SLC9C1: variants seen among roughly 807,000 people sequenced by gnomAD.
The protein encoded by SLC9C1 is solute carrier family 9 member C1, also known as sodium/hydrogen exchanger 10.
In SLC9C1, 97 loss-of-function variants were observed where a neutral mutation model predicts 140.9. The ratio of observed to expected loss-of-function variants is 0.69; its 90% CI spans 0.58 to 0.82. The LOEUF (loss-of-function observed/expected upper bound fraction) is 0.82, where lower values mean the gene tolerates loss of function less well. Ranked by LOEUF, SLC9C1 falls within the 40% of genes least tolerant of loss-of-function variation. SLC9C1 has a pLI of 0.00. For missense variants in SLC9C1, 1,340 were observed against 1,389.3 expected, an observed-to-expected ratio of 0.96 and a Z score of 0.56; for synonymous variants, 440 against 442.6, an observed-to-expected ratio of 0.99 and a Z score of 0.07.
At chr3:112,197,393 G>T (rs1425540162) in intron 20 of SLC9C1, among the ~76,000 whole-genome samples, 1 of 152,062 alleles carries the variant, frequency 6.6e-6, no homozygotes, top group Non-Finnish European at 1.5e-5. Context: ...TAGAAACAGC[G>T]ATCAATCAGT....
chr3:112,278,756 C>G lies in SLC9C1; in HGVS notation c.291G>C (p.Thr97=). 1 of 1,609,568 alleles carries G rather than the reference C, an allele frequency of 6.2e-7. No individual in the cohort carries two copies. The highest frequency in any genetic ancestry group is 8.5e-7 in the Non-Finnish European group (1 of 1,178,300). The change falls in exon 4 of 29, where the codon ACG becomes ACC. Residue 97 remains threonine, a synonymous_variant. Transcript: ENST00000305815. ...VFFTTAFDMD[T]YMLQKLFWQI... ...GCCAAAATAACTTTTGAAGCATGTA[C>G]GTATCCATGTCAAATGCAGTAGTAA... is the stretch of plus-strand genomic sequence containing the variant.
chr3:112,170,538 G>A (rs970165877), intron 23 of SLC9C1, among the ~76,000 whole-genome samples: 3 of 152,070 alleles, frequency 2.0e-5, no homozygotes, highest in African/African-American at 7.2e-5. Context: ...ATTATCAGAT[G>A]TATGATTTAC....
chr3:112,230,226 C>T (rs1296593456), intron 13 of SLC9C1, among the ~76,000 whole-genome samples: 2 of 152,092 alleles, frequency 1.3e-5, no homozygotes, highest in African/African-American at 4.8e-5. Flanking sequence ...CCTCTCATTC[C>T]TGCTGACTCG....
chr3:112,247,591 T>C (rs1035734782), intron 10 of SLC9C1, among the ~76,000 whole-genome samples: 5 of 152,260 alleles, frequency 3.3e-5, no homozygotes, highest in South Asian at 2.1e-4. Context: ...GCTCAACTTA[T>C]GAAAGTGGCG....
chr3:112,279,739 C>T (rs1576515008), intron 3 of SLC9C1, among the ~76,000 whole-genome samples: 1 of 152,330 alleles, frequency 6.6e-6, no homozygotes, highest in African/African-American at 2.4e-5. Context: ...GTGCAGATTT[C>T]ACCTGGCCTT....
At chr3:112,244,107 T>C in intron 10 of SLC9C1, 31 bp from the exon 11 acceptor site, 1 of 1,395,370 alleles carries the variant, frequency 7.2e-7, no homozygotes, top group Non-Finnish European at 1.0e-6. Context: ...AAGTAAGTAT[T>C]CATGACAATT....
chr3:112,179,479 CT>C (rs1479609398), intron 23 of SLC9C1, 51 bp downstream of exon 23: 14 of 1,531,638 alleles, frequency 9.1e-6, no homozygotes, highest in African/African-American at 1.4e-5. Context: ...AACCTTAAAT[CT>C]GATATTATTT....
chr3:112,215,036 G>A (rs186009589), intron 15 of SLC9C1, among the ~76,000 whole-genome samples: 329 of 152,264 alleles, frequency 2.2e-3, no homozygotes, highest in Middle Eastern at 0.017. Flanking sequence ...TCATCCCTGG[G>A]ATGCAAGTCT....
chr3:112,248,736 T>G (rs992759823), intron 10 of SLC9C1, among the ~76,000 whole-genome samples: 1 of 152,190 alleles, frequency 6.6e-6, no homozygotes, highest in Non-Finnish European at 1.5e-5. Flanking sequence ...TATTTGAAAC[T>G]TAAGGGAAAG....
intron 26 of SLC9C1, among the ~76,000 whole-genome samples, chr3:112,162,614 A>G (rs2075338707): frequency 1.3e-5 from 2 of 152,174 alleles, no homozygotes; most frequent in African/African-American, 4.8e-5. Flanking sequence ...CATCCCAGGG[A>G]TGAAGCCCAC....
At chr3:112,264,474 G>T in intron 8 of SLC9C1, 131 bp from the exon 9 acceptor site, 1 of 395,414 alleles carries the variant, frequency 2.5e-6, no homozygotes, top group Non-Finnish European at 4.2e-6. Flanking sequence ...AAACAACTTT[G>T]ACTTGTAGCT....
intron 13 of SLC9C1, among the ~76,000 whole-genome samples, chr3:112,226,323 C>A (rs1018316615): frequency 6.6e-6 from 1 of 152,232 alleles, no homozygotes; most frequent in Non-Finnish European, 1.5e-5. Context: ...GAAGGTAATT[C>A]TTTATTTTGA....
At chr3:112,247,743 A>G (rs1454714642) in intron 10 of SLC9C1, among the ~76,000 whole-genome samples, 3 of 127,150 alleles carry the variant, frequency 2.4e-5, no homozygotes, top group Non-Finnish European at 3.5e-5. Context: ...CACAAGCCCA[A>G]ATATTAACCA....
At chr3:112,231,301 G>C (rs1560099443) in intron 13 of SLC9C1, 60 bp downstream of exon 13, 1 of 1,591,352 alleles carries the variant, frequency 6.3e-7, no homozygotes, top group Non-Finnish European at 8.6e-7. Flanking sequence ...CTTTATAAAG[G>C]AGGAATTTTT....
intron 15 of SLC9C1, among the ~76,000 whole-genome samples, chr3:112,211,198 A>T (rs1431809651): frequency 6.6e-6 from 1 of 152,238 alleles, no homozygotes; most frequent in Non-Finnish European, 1.5e-5. Flanking sequence ...ATTCCTCAAA[A>T]TATTTTGCAA....
At chr3:112,212,411 C>A (rs1054842375) in intron 15 of SLC9C1, among the ~76,000 whole-genome samples, 2 of 152,056 alleles carry the variant, frequency 1.3e-5, no homozygotes, top group Admixed American at 6.6e-5. Flanking sequence ...CTTCTCCGAG[C>A]TAAAGGAGGA....
At chr3:112,252,309 GCAGAATT>G (rs1221851663) in intron 10 of SLC9C1, among the ~76,000 whole-genome samples, 1 of 151,914 alleles carries the variant, frequency 6.6e-6, no homozygotes, top group East Asian at 1.9e-4. Context: ...TCTTCCCCAG[GCAGAATT>G]TCCTGACCAC....
chr3:112,167,254 T>G lies in SLC9C1; in HGVS notation c.3331A>C (p.Lys1111Gln). ...FRRNIRKFVP[K>Q]HKSYLTPGLI... is the part of the protein sequence containing the mutation. ...CCTGGTGTAAGATAACTTTTATGTT[T>G]AGGAACAAACTTTCTAATATTCCTT... The change falls in exon 26 of 29, where the codon AAA becomes CAA. Residue 1111 changes from lysine to glutamine, a missense_variant. By Grantham distance (53) the Lys-to-Gln change is moderately conservative (BLOSUM62 1). Transcript: ENST00000305815. The G allele has an allele frequency of 6.2e-7, 1 of 1,610,230 alleles. No individual in the cohort carries two copies. Among genetic ancestry groups the G allele is most frequent in the Non-Finnish European group, 8.5e-7 (1 of 1,178,392 alleles).
At chr3:112,170,139 A>C (rs1297409195) in intron 23 of SLC9C1, among the ~76,000 whole-genome samples, 1 of 152,206 alleles carries the variant, frequency 6.6e-6, no homozygotes, top group African/African-American at 2.4e-5. Context: ...AAAATAGACA[A>C]ATGGAACATA....
Sources: allele counts gnomAD v4.1 joint callset (sites outside exome capture counted in the v4.1 genomes callset), GRCh38; gene constraint gnomAD v4.1.1; transcripts MANE v1.5; gene names NCBI Gene and HGNC (gene_info 2026-07-23, HGNC 2026-07-21).